The following POR variants were observed in gnomAD, a reference collection of about 807,000 sequenced individuals.
POR encodes the protein NADPH--cytochrome P450 reductase.
A neutral mutation model predicts 84.0 loss-of-function variants in POR; 56 were observed. The observed-to-expected ratio is 0.67, with a 90% CI of 0.54 to 0.83. The LOEUF (loss-of-function observed/expected upper bound fraction) is 0.83. Ranked by LOEUF, POR falls within the 40% of genes least tolerant of loss-of-function variation. The pLI, the probability that POR is intolerant of heterozygous loss-of-function variation, is 0.00. For missense variants in POR, 938 were observed against 944.3 expected (o/e 0.99, Z 0.09); for synonymous variants, 414 against 400.5 (o/e 1.03, Z -0.40).
At chr7:75,958,687 T>C (rs180834450) in intron 2 of POR, among the ~76,000 whole-genome samples, 25 of 152,086 alleles carry the variant, frequency 1.6e-4, no homozygotes, top group Admixed American at 7.9e-4. Context: ...TCTCCTAAGA[T>C]AGTGTTAATA....
At position 75,941,345 on chromosome 7, in the gene POR, C is replaced by T. The variant is rs189906200; in HGVS notation, c.-4-12644C>T. 2.3e-3 allele frequency among the ~76,000 whole-genome samples: 348 copies of T among 152,272 alleles called. 2 individuals carry two copies. The highest frequency in any genetic ancestry group is 8.1e-3 in the African/African-American group (336 of 41,552). Reference sequence around the variant, plus strand: ...CTCGAGACAGCATGGACATGGTTCACGTATTCCGGAAGTATTTCTCTAGCT... The same window carrying T: ...CTCGAGACAGCATGGACATGGTTCATGTATTCCGGAAGTATTTCTCTAGCT... On this transcript the variant is annotated intron_variant, in intron 1 of 15. Transcript: ENST00000461988.
chr7:75,955,091 C>T (rs1228165041), intron 2 of POR, among the ~76,000 whole-genome samples: 1 of 152,136 alleles, frequency 6.6e-6, no homozygotes, highest in Non-Finnish European at 1.5e-5. Context: ...ATCCGCACAC[C>T]TTGGTCTCCC....
intron 10 of POR, among the ~76,000 whole-genome samples, chr7:75,984,476 C>T (rs1241484390): frequency 6.6e-6 from 1 of 152,164 alleles, no homozygotes; most frequent in Non-Finnish European, 1.5e-5. Flanking sequence ...GAAGCCTGGG[C>T]GGGGCTGTGT....
At chr7:75,967,708 A>C (rs1279991153) in intron 2 of POR, 1 of 223,740 alleles carries the variant, frequency 4.5e-6, no homozygotes, top group African/African-American at 2.2e-5. Context: ...AACAGTTACC[A>C]AGGAGACCCG....
chr7:75,960,349 C>T (rs1787884634), intron 2 of POR, among the ~76,000 whole-genome samples: 1 of 152,006 alleles, frequency 6.6e-6, no homozygotes, highest in South Asian at 2.1e-4. Flanking sequence ...ACGTCCACTC[C>T]CACTCACTCA....
rs184836490 is a variant in POR at position 75,975,781 on chromosome 7, G to A, written c.237+3320G>A. ...TTACTTATTTTTCCGTGACTTTTAG[G>A]ATCAATTTGTTGAGGAAAAAAAAGC... On this transcript the variant is annotated intron_variant, in intron 3 of 15. Transcript: ENST00000461988. 1.7e-3 allele frequency among the ~76,000 whole-genome samples: 246 copies of A among 144,126 alleles called. 1 individual carries two copies. Among genetic ancestry groups the A allele is most frequent in the Non-Finnish European group, 1.4e-3 (95 of 65,980 alleles). 94.6% of individuals were successfully genotyped at this position (144,126 alleles called of 152,430 possible).
intron 1 of POR, among the ~76,000 whole-genome samples, chr7:75,952,372 C>T (rs1386608593): frequency 1.5e-5 from 2 of 135,828 alleles, no homozygotes; most frequent in Non-Finnish European, 1.6e-5. Flanking sequence ...TGGGCAGAGG[C>T]GCCCCTCACC....
chr7:75,950,287 G>A (rs190940547), intron 1 of POR, among the ~76,000 whole-genome samples: 32 of 152,264 alleles, frequency 2.1e-4, no homozygotes, highest in Non-Finnish European at 2.9e-4. Flanking sequence ...CACTCCCAGC[G>A]TCGTCGATTT....
Position 75,986,533 on chromosome 7 carries a change from C to G in POR, c.*52C>G. 1 of 1,579,370 alleles carries G rather than the reference C, an allele frequency of 6.3e-7. No individual in the cohort carries two copies. The highest frequency in any genetic ancestry group is 8.6e-7 in the Non-Finnish European group (1 of 1,168,838). On this transcript the variant is annotated 3_prime_UTR_variant, in exon 16 of 16. Transcript: ENST00000461988. Reference sequence around the variant, plus strand: ...AGACTCCGGCCTGTAATCAGCTCTCCTGGCTCCCTCCCGTAGTCTCCTGGG... The same window carrying G: ...AGACTCCGGCCTGTAATCAGCTCTCGTGGCTCCCTCCCGTAGTCTCCTGGG...
At chr7:75,968,822 T>G (rs1230218705) in intron 2 of POR, among the ~76,000 whole-genome samples, 3 of 152,120 alleles carry the variant, frequency 2.0e-5, no homozygotes, top group African/African-American at 7.2e-5. Context: ...CCCTGTCCAC[T>G]CCCAGGGCCA....
intron 2 of POR, among the ~76,000 whole-genome samples, chr7:75,966,999 T>C (rs1410514134): frequency 6.6e-6 from 1 of 152,130 alleles, no homozygotes; most frequent in Non-Finnish European, 1.5e-5. Context: ...AGACAGGGTC[T>C]CACTCTGTCA....
Position 75,986,765 on chromosome 7 carries a change from G to A in POR, c.*284G>A, listed in dbSNP as rs1317166872. On this transcript the variant is annotated 3_prime_UTR_variant, in exon 16 of 16. Coordinates refer to ENST00000461988, the MANE Select transcript of POR (RefSeq NM_000941.3). ...CACAGAAGGGCTCTTTCTCTCTGCT[G>A]AGCTGGGCCCAGCCCCTCCACGTGA... The A allele has an allele frequency of 5.2e-6, 3 of 578,242 alleles. No homozygotes were observed. Among genetic ancestry groups the A allele is most frequent in the South Asian group, 2.3e-5 (1 of 44,134 alleles). 35.8% of individuals were successfully genotyped at this position (578,242 alleles called of 1,614,324 possible). A position where few individuals can be genotyped will look rare whatever the true frequency, so the allele number is the denominator to read the frequency against.
rs114952688 is a variant in POR, at chr7:75,920,911, C to T, written c.-5+5732C>T. ...CGGCATCATTCAGAGTGCAGTTTGG[C>T]ATCAGGAATGTTCCGTCAGGTATTT... On this transcript the variant is annotated intron_variant, in intron 1 of 15. Transcript: ENST00000461988. Among the ~76,000 whole-genome samples the T allele has an allele frequency of 6.7e-3, 1,014 of 152,288 alleles. 14 individuals are homozygous for T. Among genetic ancestry groups the T allele is most frequent in the Middle Eastern group, 0.027 (8 of 294 alleles).
chr7:75,943,912 C>T (rs1398994476), intron 1 of POR: 2 of 467,360 alleles, frequency 4.3e-6, no homozygotes, highest in East Asian at 5.8e-5. Flanking sequence ...ATACCTGCAA[C>T]ATCTTTTAAG....
intron 1 of POR, among the ~76,000 whole-genome samples, chr7:75,948,787 C>T (rs1283693105): frequency 6.6e-6 from 1 of 152,082 alleles, no homozygotes; most frequent in African/African-American, 2.4e-5. Flanking sequence ...GTGGGGTGAC[C>T]CTCTAGTCAG....
At chr7:75,963,665 G>T (rs1052475329) in intron 2 of POR, among the ~76,000 whole-genome samples, 2 of 152,226 alleles carry the variant, frequency 1.3e-5, no homozygotes, top group Non-Finnish European at 2.9e-5. Context: ...CCCATTGGGG[G>T]TGTGTCAGGG....
At chr7:75,939,588 C>T (rs1280926076) in intron 1 of POR, among the ~76,000 whole-genome samples, 4 of 145,018 alleles carry the variant, frequency 2.8e-5, no homozygotes, top group Admixed American at 1.4e-4. Flanking sequence ...CTTCAAAGAA[C>T]CTCTTTACTC....
chr7:75,937,315 ACC>A (rs1554550980), intron 1 of POR, among the ~76,000 whole-genome samples: 8 of 150,220 alleles, frequency 5.3e-5, no homozygotes, highest in African/African-American at 2.0e-4. Flanking sequence ...AAACAAAAAA[ACC>A]AAAAATTAGC....
At chr7:75,919,365 G>T (rs1554548511) in intron 1 of POR, among the ~76,000 whole-genome samples, 1 of 151,296 alleles carries the variant, frequency 6.6e-6, no homozygotes, top group African/African-American at 2.4e-5. Flanking sequence ...GCACACGCCT[G>T]TCTGCATCTG....
Sources: allele counts gnomAD v4.1 joint callset (sites outside exome capture counted in the v4.1 genomes callset), GRCh38; gene constraint gnomAD v4.1.1; transcripts MANE v1.5; gene names NCBI Gene and HGNC (gene_info 2026-07-23, HGNC 2026-07-21).